Variants in CIAPIN1 observed in about 807,000 individuals in gnomAD.
CIAPIN1 encodes the protein cytokine induced apoptosis inhibitor 1, also known as anamorsin.
In CIAPIN1, 18 loss-of-function variants were observed where a neutral mutation model predicts 34.3. The ratio of observed to expected loss-of-function variants is 0.52; its 90% CI spans 0.36 to 0.78. The LOEUF is 0.78. Ranked by LOEUF, CIAPIN1 falls within the 30% of genes least tolerant of loss-of-function variation. The pLI is 0.00. For synonymous variants in CIAPIN1, 131 were observed against 140.4 expected, an observed-to-expected ratio of 0.93 and a Z score of 0.47; for missense variants, 310 against 372.5, an observed-to-expected ratio of 0.83 and a Z score of 1.38.
At chr16:57,429,488 T>C (rs1344713320) in intron 8 of CIAPIN1, among the ~76,000 whole-genome samples, 2 of 151,900 alleles carry the variant, frequency 1.3e-5, no homozygotes, top group African/African-American at 2.4e-5. Flanking sequence ...TAGGAGGCCA[T>C]AGTTCTTTTT....
intron 5 of CIAPIN1, among the ~76,000 whole-genome samples, chr16:57,433,163 C>T (rs541024424): frequency 1.6e-4 from 25 of 152,206 alleles, no homozygotes; most frequent in Non-Finnish European, 3.4e-4. Context: ...GGCAGACAAA[C>T]CTCACACTTC....
chr16:57,438,041 T>A (rs1447360580), intron 3 of CIAPIN1, among the ~76,000 whole-genome samples: 1 of 152,228 alleles, frequency 6.6e-6, no homozygotes, highest in African/African-American at 2.4e-5. Context: ...GTTCCTTTTT[T>A]ATCTCTGTAT....
In CIAPIN1 at chr16:57,440,788, G is replaced by A. The variant is rs758929687; in HGVS notation, c.141C>T (p.Ile47=). 6.2e-7 allele frequency: 1 copy of A among 1,612,874 alleles called. No individual in the cohort carries two copies. Among genetic ancestry groups the A allele is most frequent in the South Asian group, 1.1e-5 (1 of 90,918 alleles). The change falls in exon 2 of 9, where the codon ATC becomes ATT. Residue 47 remains isoleucine (I), a synonymous_variant. Coordinates refer to ENST00000394391, the MANE Select transcript of CIAPIN1 (RefSeq NM_020313.4). ...GGTACTTACATTGCAACAGCTGCTT[G>A]ATGTTTTCCACAGACACGCGGCCCT... ...GNEGRVSVEN[I]KQLLQSAHKE...
In CIAPIN1 at chr16:57,430,245, T is replaced by A. The variant is rs141273277; in HGVS notation, c.828+13A>T. On this transcript the variant is annotated intron_variant, in intron 8 of 8. Coordinates refer to ENST00000394391, the MANE Select transcript of CIAPIN1 (RefSeq NM_020313.4). ...GGGGTTTGTGAATGCTGAGGAATGA[T>A]CCTGATATTTACGTTTCCACAAGCT... 28 of 1,611,684 alleles carry A rather than the reference T, an allele frequency of 1.7e-5. No homozygotes were observed. The African/African-American group carries it at 2.9e-4, about 17-fold the overall frequency.
chr16:57,438,595 T>C (rs1903255029), intron 3 of CIAPIN1, among the ~76,000 whole-genome samples: 1 of 152,234 alleles, frequency 6.6e-6, no homozygotes, highest in Non-Finnish European at 1.5e-5. Context: ...AAGGGGGCTA[T>C]ATAGTTCTAT....
intron 1 of CIAPIN1, among the ~76,000 whole-genome samples, chr16:57,442,559 T>C (rs1213553072): frequency 6.6e-6 from 1 of 151,796 alleles, no homozygotes; most frequent in Non-Finnish European, 1.5e-5. Context: ...TGTAGTAATC[T>C]TATGTAGTCC....
chr16:57,442,976 G>A (rs1238467308), intron 1 of CIAPIN1, among the ~76,000 whole-genome samples: 1 of 151,208 alleles, frequency 6.6e-6, no homozygotes, highest in Non-Finnish European at 1.5e-5. Flanking sequence ...CCTTCCATAT[G>A]ATCCAACTGC....
At chr16:57,439,109 T>C in intron 3 of CIAPIN1, 73 bp downstream of exon 3, 1 of 1,479,386 alleles carries the variant, frequency 6.8e-7, no homozygotes, top group Non-Finnish European at 9.4e-7. Flanking sequence ...TACCTCCTGC[T>C]CACGGAGATG....
chr16:57,440,289 T>C (rs1287084319), intron 2 of CIAPIN1, among the ~76,000 whole-genome samples: 1 of 152,310 alleles, frequency 6.6e-6, no homozygotes, highest in East Asian at 1.9e-4. Context: ...TGACAATGCG[T>C]GCCCGAAACT....
chr16:57,442,743 A>G (rs1390217917), intron 1 of CIAPIN1, among the ~76,000 whole-genome samples: 1 of 152,228 alleles, frequency 6.6e-6, no homozygotes, highest in African/African-American at 2.4e-5. Flanking sequence ...AGGATGTTAA[A>G]TATTTAACAC....
chr16:57,429,369 A>ATAATTT, intron 8 of CIAPIN1, 89 bp from the exon 9 acceptor site: 1 of 848,884 alleles, frequency 1.2e-6, no homozygotes, highest in South Asian at 1.4e-5. Context: ...TAATGTGGCC[A>ATAATTT]CAGTGGCCTG....
chr16:57,436,521 C>T (rs1903203770), intron 4 of CIAPIN1, 135 bp downstream of exon 4: 1 of 544,504 alleles, frequency 1.8e-6, no homozygotes, highest in Admixed American at 3.3e-5. Flanking sequence ...AGCCACCACA[C>T]CCGGCCGATT....
intron 1 of CIAPIN1, among the ~76,000 whole-genome samples, chr16:57,442,196 A>C (rs1347267513): frequency 6.6e-6 from 1 of 152,038 alleles, no homozygotes; most frequent in African/African-American, 2.4e-5. Context: ...AAATACAAAA[A>C]TTAGCTGGGT....
At chr16:57,439,081 A>G (rs1903267163) in intron 3 of CIAPIN1, 101 bp downstream of exon 3, 2 of 1,170,474 alleles carry the variant, frequency 1.7e-6, no homozygotes, top group Middle Eastern at 3.0e-4. Flanking sequence ...TGCTACAGGA[A>G]TACTGATCTC....
At chr16:57,436,272 G>T (rs1289925992) in intron 4 of CIAPIN1, among the ~76,000 whole-genome samples, 1 of 152,168 alleles carries the variant, frequency 6.6e-6, no homozygotes, top group Non-Finnish European at 1.5e-5. Context: ...CTGTCGCCCA[G>T]GCTGGAGGGC....
chr16:57,437,035 G>A (rs1340832044), intron 3 of CIAPIN1, among the ~76,000 whole-genome samples: 1 of 152,112 alleles, frequency 6.6e-6, no homozygotes, highest in Non-Finnish European at 1.5e-5. Flanking sequence ...GCTAAGGCAC[G>A]AGAATCGCTT....
chr16:57,441,097 T>C, intron 1 of CIAPIN1, 114 bp from the exon 2 acceptor site: 1 of 610,462 alleles, frequency 1.6e-6, no homozygotes, highest in Non-Finnish European at 2.7e-6. Context: ...GAAACTCTAC[T>C]GTATATGCTA....
At position 57,434,118 on chromosome 16, in the gene CIAPIN1, C is replaced by T; in HGVS notation, c.482G>A (p.Gly161Asp). The T allele has an allele frequency of 1.2e-6, 2 of 1,614,094 alleles. No individual in the cohort carries two copies. Among genetic ancestry groups the T allele is most frequent in the Non-Finnish European group, 1.7e-6 (2 of 1,179,990 alleles). ...ACCCACTTCAAAGTTTGGTTTTTTG[C>T]CTGTGATCTGAACAAACAGCAGGTT... ...SDNLLFVQIT[G>D]KKPNFEVGSS... is the part of the protein sequence containing the mutation. Residue 161 changes from glycine (G) to aspartate (D), a missense_variant, in exon 5 of 9, where the codon GGC (glycine) becomes GAC (aspartate). Physicochemically the swap from Gly to Asp is moderately conservative, Grantham distance 94. Coordinates refer to ENST00000394391, the MANE Select transcript of CIAPIN1 (RefSeq NM_020313.4).
At chr16:57,433,132 T>C (rs925590490) in intron 5 of CIAPIN1, among the ~76,000 whole-genome samples, 26 of 152,350 alleles carry the variant, frequency 1.7e-4, no homozygotes, top group Middle Eastern at 3.4e-3. Context: ...GAGCTGCTGG[T>C]GGCAAGGTAA....
Sources: gnomAD v4.1 joint callset for allele counts (sites outside exome capture counted in the v4.1 genomes callset) on GRCh38, gnomAD v4.1.1 for gene constraint, MANE v1.5 for transcripts, NCBI Gene and HGNC (gene_info 2026-07-23, HGNC 2026-07-21) for gene names.